Variants in ANKFN1 observed in about 807,000 individuals in gnomAD.
ANKFN1 encodes the protein ankyrin repeat and fibronectin type III domain containing 1, also known as ankyrin repeat and fibronectin type-III domain-containing protein 1.
In ANKFN1, 74 loss-of-function variants were observed where a neutral mutation model predicts 108.7. The ratio of observed to expected loss-of-function variants is 0.68; its 90% CI spans 0.56 to 0.83. The LOEUF is 0.83. Ranked by LOEUF, ANKFN1 falls within the 40% of genes least tolerant of loss-of-function variation. ANKFN1 has a pLI of 0.00. For missense variants in ANKFN1, 1,505 were observed against 1,382.3 expected (o/e 1.09, Z -1.41); for synonymous variants, 547 against 516.2 (o/e 1.06, Z -0.81).
intron 1 of ANKFN1, among the ~76,000 whole-genome samples, chr17:56,165,650 T>A (rs895978362): frequency 1.3e-5 from 2 of 152,186 alleles, no homozygotes; most frequent in Non-Finnish European, 2.9e-5. Flanking sequence ...GGACTCATTT[T>A]TTTTTTAGTT....
At chr17:56,217,113 A>G (rs975060296) in intron 2 of ANKFN1, among the ~76,000 whole-genome samples, 3 of 152,304 alleles carry the variant, frequency 2.0e-5, no homozygotes, top group South Asian at 2.1e-4. Flanking sequence ...AGAACAGTGA[A>G]TAATTGAGGA....
chr17:56,283,224 A>G (rs2044130630), intron 3 of ANKFN1, among the ~76,000 whole-genome samples: 1 of 152,030 alleles, frequency 6.6e-6, no homozygotes, highest in African/African-American at 2.4e-5. Context: ...TTCCTCCCTC[A>G]ATTCACTTAG....
chr17:56,061,861 G>C (rs1357072667), intron 4 of ANKFN1, among the ~76,000 whole-genome samples: 2 of 152,182 alleles, frequency 1.3e-5, no homozygotes, highest in African/African-American at 4.8e-5. Context: ...GCTTTCTGAT[G>C]TGAGCATTTA....
chr17:56,130,292 G>T (rs905066502), intron 4 of ANKFN1, among the ~76,000 whole-genome samples: 19 of 152,156 alleles, frequency 1.2e-4, no homozygotes, highest in African/African-American at 4.6e-4. Flanking sequence ...GTAGCTAGTG[G>T]CTGCGATATT....
intron 10 of ANKFN1, among the ~76,000 whole-genome samples, 170 bp downstream of exon 10, chr17:56,443,103 G>A (rs141857084): frequency 4.7e-4 from 71 of 152,248 alleles, no homozygotes; most frequent in Middle Eastern, 3.4e-3. Flanking sequence ...ATGCTCCTGG[G>A]GAAGCAGCTC....
At chr17:56,226,474 G>C (rs1013999297) in intron 2 of ANKFN1, among the ~76,000 whole-genome samples, 1 of 152,124 alleles carries the variant, frequency 6.6e-6, no homozygotes, top group African/African-American at 2.4e-5. Context: ...AACACGTAGA[G>C]ATTTTTTAAT....
At chr17:56,333,622 A>G (rs552245721) in intron 4 of ANKFN1, among the ~76,000 whole-genome samples, 2 of 150,572 alleles carry the variant, frequency 1.3e-5, no homozygotes, top group Non-Finnish European at 2.9e-5. Context: ...CATGATAGAC[A>G]TTGGTCCATA....
intron 8 of ANKFN1, among the ~76,000 whole-genome samples, chr17:56,380,780 G>A (rs977407661): frequency 4.6e-5 from 7 of 152,230 alleles, no homozygotes; most frequent in Admixed American, 1.3e-4. Context: ...CAAAGCAGCC[G>A]GGAAGTTCGA....
chr17:56,335,214 T>A (rs1014924005), intron 4 of ANKFN1, among the ~76,000 whole-genome samples: 1 of 152,172 alleles, frequency 6.6e-6, no homozygotes, highest in Non-Finnish European at 1.5e-5. Context: ...TCTTTTTTGG[T>A]TCCATATGAA....
At chr17:56,432,048 T>C (rs1234416416) in intron 8 of ANKFN1, among the ~76,000 whole-genome samples, 1 of 152,214 alleles carries the variant, frequency 6.6e-6, no homozygotes, top group East Asian at 1.9e-4. Context: ...GGAAGCGCTG[T>C]CAGAGGCTGC....
chr17:56,305,000 C>G (rs2044776556), intron 3 of ANKFN1, among the ~76,000 whole-genome samples: 1 of 152,098 alleles, frequency 6.6e-6, no homozygotes, highest in Admixed American at 6.6e-5. Flanking sequence ...TAAGGACATA[C>G]CTGAGACTAG....
chr17:56,409,251 T>C (rs115950899), intron 8 of ANKFN1, among the ~76,000 whole-genome samples: 5 of 152,148 alleles, frequency 3.3e-5, no homozygotes, highest in Non-Finnish European at 7.4e-5. Flanking sequence ...CTGTGTCTTA[T>C]GATTTGTTTC....
chr17:56,181,262 T>G (rs1424151024), intron 1 of ANKFN1, among the ~76,000 whole-genome samples: 1 of 152,214 alleles, frequency 6.6e-6, no homozygotes, highest in Admixed American at 6.5e-5. Context: ...TTAAAATTCT[T>G]TTTGTATTCT....
intron 4 of ANKFN1, among the ~76,000 whole-genome samples, chr17:56,060,595 G>T (rs1274625632): frequency 6.6e-6 from 1 of 152,094 alleles, no homozygotes; most frequent in Non-Finnish European, 1.5e-5. Context: ...ATTATTTTGA[G>T]ATATTTTCCA....
intron 10 of ANKFN1, among the ~76,000 whole-genome samples, chr17:56,445,969 G>C (rs761482887): frequency 5.9e-5 from 9 of 152,068 alleles, no homozygotes; most frequent in Non-Finnish European, 1.3e-4. Context: ...TTCCTGTCAG[G>C]TTCCTGATTT....
At chr17:56,334,387 T>C (rs1212671492) in intron 4 of ANKFN1, among the ~76,000 whole-genome samples, 2 of 152,270 alleles carry the variant, frequency 1.3e-5, no homozygotes, top group Non-Finnish European at 2.9e-5. Flanking sequence ...ATAATGTATA[T>C]GTTCATTATC....
chr17:56,474,554 G>A (rs1396405230), intron 15 of ANKFN1, among the ~76,000 whole-genome samples: 2 of 152,010 alleles, frequency 1.3e-5, no homozygotes, highest in Non-Finnish European at 2.9e-5. Flanking sequence ...TCCCCTTCCT[G>A]TTTCAAAGAC....
intron 14 of ANKFN1, 142 bp downstream of exon 14, chr17:56,458,121 C>T: frequency 1.5e-6 from 1 of 685,778 alleles, no homozygotes; most frequent in South Asian, 2.0e-5. Flanking sequence ...TCTTGAGCAG[C>T]TGGAGCTGCG....
chr17:56,405,521 A>C (rs368936815), intron 8 of ANKFN1, among the ~76,000 whole-genome samples: 1 of 152,186 alleles, frequency 6.6e-6, no homozygotes, highest in African/African-American at 2.4e-5. Context: ...TTGACCTGGT[A>C]ATTCTAAGTA....
Sources: gnomAD v4.1 joint callset for allele counts (sites outside exome capture counted in the v4.1 genomes callset) on GRCh38, gnomAD v4.1.1 for gene constraint, MANE v1.5 for transcripts, NCBI Gene and HGNC (gene_info 2026-07-23, HGNC 2026-07-21) for gene names.